ADAMTS6: variants seen among roughly 807,000 people sequenced by gnomAD.
ADAMTS6 encodes the protein A disintegrin and metalloproteinase with thrombospondin motifs 6.
In ADAMTS6, 23 loss-of-function variants were observed where a neutral mutation model predicts 144.3. The ratio of observed to expected loss-of-function variants is 0.16; its 90% CI spans 0.11 to 0.23. The LOEUF is 0.23. Ranked by LOEUF, ADAMTS6 falls within the 10% of genes least tolerant of loss-of-function variation. The probability of loss-of-function intolerance (pLI) is 1.00; values close to 1 mark genes in which losing one functional copy is unlikely to be tolerated. For synonymous variants in ADAMTS6, 444 were observed against 457.5 expected (o/e 0.97, Z 0.38); for missense variants, 999 against 1,379.6 (o/e 0.72, Z 4.37).
intron 3 of ADAMTS6, among the ~76,000 whole-genome samples, chr5:65,464,747 T>C (rs1447028945): frequency 6.6e-6 from 1 of 152,208 alleles, no homozygotes; most frequent in Non-Finnish European, 1.5e-5. Flanking sequence ...CCCTAGACTT[T>C]GAGCATTATC....
intron 7 of ADAMTS6, among the ~76,000 whole-genome samples, chr5:65,403,398 T>C (rs907792989): frequency 2.0e-5 from 3 of 152,134 alleles, no homozygotes; most frequent in Non-Finnish European, 2.9e-5. Flanking sequence ...CGTTTCTATC[T>C]TCCCTTCTGA....
At chr5:65,387,120 CT>C (rs1752539756) in intron 7 of ADAMTS6, among the ~76,000 whole-genome samples, 1 of 152,166 alleles carries the variant, frequency 6.6e-6, no homozygotes, top group African/African-American at 2.4e-5. Flanking sequence ...GAGAGTCATT[CT>C]TTGGTTCAAA....
At chr5:65,416,522 A>T (rs1011415015) in intron 7 of ADAMTS6, among the ~76,000 whole-genome samples, 3 of 152,176 alleles carry the variant, frequency 2.0e-5, no homozygotes, top group Non-Finnish European at 4.4e-5. Flanking sequence ...ATAATGGCCC[A>T]AAGGAGGCAT....
At chr5:65,438,535 A>G (rs191936914) in intron 7 of ADAMTS6, among the ~76,000 whole-genome samples, 1 of 152,282 alleles carries the variant, frequency 6.6e-6, no homozygotes, top group Admixed American at 6.5e-5. Context: ...TTATACATAC[A>G]TACATACATA....
chr5:65,245,315 T>C (rs1360730705), intron 14 of ADAMTS6, among the ~76,000 whole-genome samples: 2 of 152,080 alleles, frequency 1.3e-5, no homozygotes, highest in Admixed American at 1.3e-4. Flanking sequence ...AGCCAGGGTA[T>C]TTTTCTCCTT....
chr5:65,190,925 G>C (rs923595032), intron 21 of ADAMTS6, among the ~76,000 whole-genome samples: 1 of 151,912 alleles, frequency 6.6e-6, no homozygotes, highest in Admixed American at 6.6e-5. Flanking sequence ...GCTTGTCTCA[G>C]TTTCTCCACT....
intron 11 of ADAMTS6, among the ~76,000 whole-genome samples, chr5:65,287,969 T>C (rs1295052328): frequency 6.6e-6 from 1 of 152,240 alleles, no homozygotes; most frequent in Non-Finnish European, 1.5e-5. Context: ...TACTGTTTTG[T>C]TCTTTGTATT....
chr5:65,287,477 A>ACAT (rs1468201786), intron 11 of ADAMTS6, among the ~76,000 whole-genome samples: 3 of 152,138 alleles, frequency 2.0e-5, no homozygotes, highest in Non-Finnish European at 4.4e-5. Flanking sequence ...TAGGTATATC[A>ACAT]CATTCTGTAT....
chr5:65,265,871 T>TA lies in ADAMTS6; in HGVS notation c.1621-2910dup, dbSNP rs912156760. Among the ~76,000 whole-genome samples the TA allele has an allele frequency of 4.6e-5, 7 of 151,814 alleles. No homozygotes were observed. The East Asian group carries it at 1.2e-3, about 25-fold the overall frequency. On this transcript the variant is annotated intron_variant, in intron 12 of 24. Transcript: ENST00000381055. ...AAAGGGATTATCTGTCTAAAATACG[T>TA]AAAAAAATTAGTGGTAAAAAAAAAT...
intron 7 of ADAMTS6, among the ~76,000 whole-genome samples, chr5:65,369,438 G>A (rs1471419685): frequency 4.0e-5 from 6 of 151,764 alleles, no homozygotes; most frequent in East Asian, 1.9e-4. Flanking sequence ...TAAGAAGTAC[G>A]GAAACATCAG....
At chr5:65,357,152 T>C (rs956058468) in intron 7 of ADAMTS6, among the ~76,000 whole-genome samples, 1 of 150,954 alleles carries the variant, frequency 6.6e-6, no homozygotes, top group African/African-American at 2.4e-5. Flanking sequence ...AAATAAATAA[T>C]AGAAAAAAAT....
intron 24 of ADAMTS6, among the ~76,000 whole-genome samples, chr5:65,159,924 A>C (rs1432229255): frequency 6.6e-6 from 1 of 152,240 alleles, no homozygotes; most frequent in Admixed American, 6.5e-5. Flanking sequence ...AAGTAATTTC[A>C]GTTTTTGCCA....
intron 20 of ADAMTS6, among the ~76,000 whole-genome samples, chr5:65,205,348 A>G (rs77515126): frequency 0.061 from 9,317 of 152,260 alleles, 383 homozygotes; most frequent in Non-Finnish European, 0.088. Context: ...GTGATATTAA[A>G]TGTGTTAGAC....
At chr5:65,226,309 G>T in intron 15 of ADAMTS6, 90 bp from the exon 16 acceptor site, 2 of 1,341,248 alleles carry the variant, frequency 1.5e-6, no homozygotes, top group Non-Finnish European at 2.0e-6. Context: ...TATAATTCAC[G>T]TAGACATCAT....
At chr5:65,284,266 G>A (rs1763200389) in intron 11 of ADAMTS6, among the ~76,000 whole-genome samples, 1 of 152,014 alleles carries the variant, frequency 6.6e-6, no homozygotes, top group South Asian at 2.1e-4. Context: ...ACCTTGATCA[G>A]AGAACTCAAC....
At chr5:65,278,548 G>A (rs1762741640) in intron 11 of ADAMTS6, among the ~76,000 whole-genome samples, 1 of 152,152 alleles carries the variant, frequency 6.6e-6, no homozygotes, top group Non-Finnish European at 1.5e-5. Flanking sequence ...GTATCTCACT[G>A]TGGTTTTAAT....
At chr5:65,424,710 T>G (rs1756361216) in intron 7 of ADAMTS6, among the ~76,000 whole-genome samples, 1 of 152,138 alleles carries the variant, frequency 6.6e-6, no homozygotes. Flanking sequence ...GAAAAAAAAG[T>G]ACACACAGAC....
At chr5:65,435,019 T>C (rs985025655) in intron 7 of ADAMTS6, among the ~76,000 whole-genome samples, 5 of 152,172 alleles carry the variant, frequency 3.3e-5, no homozygotes, top group African/African-American at 9.7e-5. Flanking sequence ...TATATATCCA[T>C]ATTATACAGC....
chr5:65,204,211 T>G (rs1164436665), intron 20 of ADAMTS6, among the ~76,000 whole-genome samples: 2 of 152,232 alleles, frequency 1.3e-5, no homozygotes, highest in African/African-American at 4.8e-5. Context: ...GCTTAAGTTA[T>G]ATTGAAAATA....
Sources: gnomAD v4.1 joint callset for allele counts (sites outside exome capture counted in the v4.1 genomes callset) on GRCh38, gnomAD v4.1.1 for gene constraint, MANE v1.5 for transcripts, NCBI Gene and HGNC (gene_info 2026-07-23, HGNC 2026-07-21) for gene names.